Variants in NUP205 observed in about 807,000 individuals in gnomAD.
NUP205 encodes nuclear pore complex protein Nup205.
In NUP205, 76 loss-of-function variants were observed where a neutral mutation model predicts 253.8. That is an observed-to-expected ratio of 0.30 (90% CI 0.25 to 0.36). The LOEUF is 0.36. Among genes scored for constraint, NUP205 ranks in the 10% least tolerant of loss-of-function variants. The pLI is 1.00. For missense variants in NUP205, 2,162 were observed against 2,425.5 expected (o/e 0.89, Z 2.28); for synonymous variants, 832 against 850.1 (o/e 0.98, Z 0.37).
At chr7:135,609,696 G>A (rs996217620) in intron 22 of NUP205, among the ~76,000 whole-genome samples, 1 of 151,380 alleles carries the variant, frequency 6.6e-6, no homozygotes, top group Non-Finnish European at 1.5e-5. Context: ...TTACTGGCAT[G>A]GATATTTTTC....
At chr7:135,637,848 C>A in intron 36 of NUP205, 83 bp from the exon 37 acceptor site, 2 of 1,298,678 alleles carry the variant, frequency 1.5e-6, no homozygotes, top group Non-Finnish European at 2.1e-6. Flanking sequence ...CCATTCTCCA[C>A]TGAGTTTTTC....
intron 12 of NUP205, among the ~76,000 whole-genome samples, 186 bp from the exon 13 acceptor site, chr7:135,594,361 C>T (rs536790224): frequency 5.9e-5 from 9 of 151,974 alleles, no homozygotes; most frequent in East Asian, 1.9e-4. Context: ...TTTTTTACTT[C>T]GAATAAATGA....
rs987924294 is a variant in NUP205, at chr7:135,618,267, G to A, written c.3772-145G>A. ...ACCTTATATGTTAATATTTTTTATA[G>A]CCCTGGCTACTGAAATAATATGAAA... On this transcript the variant is annotated intron_variant, in intron 27 of 42. Coordinates refer to ENST00000285968, the MANE Select transcript of NUP205 (RefSeq NM_015135.3). 20 of 668,508 alleles carry A rather than the reference G, an allele frequency of 3.0e-5. No individual in the cohort carries two copies. In the East Asian group the frequency reaches 5.1e-4, roughly 17 times the overall value. 41.4% of individuals were successfully genotyped at this position (668,508 alleles called of 1,614,324 possible). A position where few individuals can be genotyped will look rare whatever the true frequency, so the allele number is the denominator to read the frequency against.
At chr7:135,637,430 G>T (rs1794830127) in intron 36 of NUP205, among the ~76,000 whole-genome samples, 1 of 152,208 alleles carries the variant, frequency 6.6e-6, no homozygotes, top group Admixed American at 6.5e-5. Context: ...TGAAACTGGG[G>T]ACATTTGCAT....
intron 22 of NUP205, among the ~76,000 whole-genome samples, chr7:135,611,003 T>C (rs4732131): frequency 0.3 from 42,922 of 141,000 alleles, 6,281 homozygotes; most frequent in Middle Eastern, 0.47. Flanking sequence ...CTTCTCTTCT[T>C]TTTTTTTTTT....
intron 38 of NUP205, among the ~76,000 whole-genome samples, chr7:135,639,515 C>T (rs1314585955): frequency 6.6e-6 from 1 of 151,884 alleles, no homozygotes; most frequent in Admixed American, 6.6e-5. Context: ...CATGGTGAAA[C>T]CCTGTCTCTT....
intron 10 of NUP205, among the ~76,000 whole-genome samples, chr7:135,588,379 G>T (rs1159530510): frequency 6.6e-6 from 1 of 150,744 alleles, no homozygotes; most frequent in Non-Finnish European, 1.5e-5. Flanking sequence ...GAGCTCAAGT[G>T]TCCATCTGCC....
chr7:135,566,340 C>A (rs1413883274), intron 1 of NUP205, among the ~76,000 whole-genome samples: 1 of 152,138 alleles, frequency 6.6e-6, no homozygotes, highest in East Asian at 1.9e-4. Flanking sequence ...AACTCCTAGC[C>A]TTGGCCTCCC....
At chr7:135,583,366 C>T (rs1441053376) in intron 7 of NUP205, among the ~76,000 whole-genome samples, 1 of 152,114 alleles carries the variant, frequency 6.6e-6, no homozygotes, top group Admixed American at 6.6e-5. Flanking sequence ...TGGAAAGATA[C>T]ACCATAACCT....
chr7:135,601,530 G>T, intron 17 of NUP205, 23 bp downstream of exon 17: 1 of 1,599,848 alleles, frequency 6.3e-7, no homozygotes, highest in South Asian at 1.1e-5. Context: ...AAGCCTTCAT[G>T]TCTTGCAAAC....
In NUP205 at chr7:135,593,093, T is replaced by G. The variant is rs753208948; in HGVS notation, c.1731T>G (p.Asp577Glu). The change falls in exon 12 of 43, where the codon GAT (aspartate) becomes GAG (glutamate). Residue 577 changes from aspartate to glutamate, a missense_variant. This residue lies in a region of NUP205 where 892 missense variants were observed against 957.1 expected (regional missense o/e 0.93). Transcript: ENST00000285968. ...TTCGGAAGGATCTTCCAAGTGCAGA[T>G]AGTGTCCAGTACCGTCACCTTCCTT... ...EHLRKDLPSA[D>E]SVQYRHLPSR... 137 of 1,613,994 alleles carry G rather than the reference T, an allele frequency of 8.5e-5. No individual in the cohort carries two copies. The highest frequency in any genetic ancestry group is 1.2e-4 in the Non-Finnish European group (136 of 1,179,998).
Position 135,591,548 on chromosome 7 carries a change from T to C in NUP205, c.1572T>C (p.Pro524=), listed in dbSNP as rs748211796. ...LKMLQGLANG[P]QCAHYCFSLL... is the part of the protein sequence containing the mutation. ...TGCTCCAGGGATTGGCCAATGGGCC[T>C]CAGTGTGCCCACTACTGTTTCAGCC... Residue 524 remains proline (P), a synonymous_variant, in exon 11 of 43, where the codon CCT becomes CCC. Transcript: ENST00000285968. 1 of 1,613,868 alleles carries C rather than the reference T, an allele frequency of 6.2e-7. No homozygotes were observed.
chr7:135,632,950 A>AT (rs1187612452), intron 35 of NUP205, among the ~76,000 whole-genome samples: 3 of 151,206 alleles, frequency 2.0e-5, no homozygotes, highest in Non-Finnish European at 3.0e-5. Context: ...CCCTTGTTTT[A>AT]TTTGTTTGTT....
intron 25 of NUP205, 22 bp downstream of exon 25, chr7:135,616,748 A>G (rs769074605): frequency 1.4e-6 from 2 of 1,419,186 alleles, no homozygotes; most frequent in East Asian, 2.4e-5. Context: ...TGAATTTGTA[A>G]TAAATTTATT....
chr7:135,592,158 G>C (rs1019685370), intron 11 of NUP205, among the ~76,000 whole-genome samples: 1 of 152,208 alleles, frequency 6.6e-6, no homozygotes, highest in Non-Finnish European at 1.5e-5. Flanking sequence ...GGAGAGCCAT[G>C]ATGGGAGCTG....
intron 7 of NUP205, 122 bp from the exon 8 acceptor site, chr7:135,584,710 G>A (rs1226669718): frequency 3.7e-6 from 3 of 810,526 alleles, no homozygotes; most frequent in African/African-American, 3.5e-5. Flanking sequence ...CTCATTTTGT[G>A]CATAGCACAT....
intron 11 of NUP205, 97 bp downstream of exon 11, chr7:135,591,697 C>A: frequency 6.8e-6 from 7 of 1,036,160 alleles, no homozygotes; most frequent in South Asian, 1.6e-5. Flanking sequence ...GAACTAGGTT[C>A]TACCAGAGGT....
At chr7:135,601,283 T>G in intron 16 of NUP205, 87 bp from the exon 17 acceptor site, 1 of 1,226,658 alleles carries the variant, frequency 8.2e-7, no homozygotes. Context: ...GCCATCTAAT[T>G]TACAAGTCTC....
Position 135,616,704 on chromosome 7 carries a change from TC to T in NUP205, c.3511del (p.His1171ThrfsTer13). On this transcript the variant is annotated frameshift_variant, in exon 25 of 43. Transcript: ENST00000285968. LOFTEE classifies it high-confidence loss of function. ...AAAACAGGTCTGTTTCTGGGTTCCT[TC>T]ACTTTGACACTGCTACAAAAGGTAA... ...DENRSVSGFLHFDTATKVRRK... is the reference protein window; with the variant it reads ...DENRSVSGFLXFDTATKVRRK... 6.4e-7 allele frequency: 1 copy of T among 1,570,472 alleles called. No homozygotes were observed. Among genetic ancestry groups the T allele is most frequent in the Non-Finnish European group, 8.6e-7 (1 of 1,162,330 alleles).
Sources: gnomAD v4.1 joint callset for allele counts (sites outside exome capture counted in the v4.1 genomes callset) on GRCh38, gnomAD v4.1.1 for gene constraint, gnomAD v4.1.1 regional missense constraint, MANE v1.5 for transcripts, NCBI Gene and HGNC (gene_info 2026-07-23, HGNC 2026-07-21) for gene names.